Variants in PIK3CB observed in about 807,000 individuals in gnomAD.
The protein encoded by PIK3CB is phosphatidylinositol 4,5-bisphosphate 3-kinase catalytic subunit beta isoform.
A neutral mutation model predicts 136.8 loss-of-function variants in PIK3CB; 39 were observed. That is an observed-to-expected ratio of 0.29 (90% confidence interval 0.22 to 0.37). PIK3CB has a LOEUF of 0.37. Ranked by LOEUF, PIK3CB falls within the 10% of genes least tolerant of loss-of-function variation. The probability of loss-of-function intolerance (pLI) is 1.00; values close to 1 mark genes in which losing one functional copy is unlikely to be tolerated. For synonymous variants in PIK3CB, 428 were observed against 436.6 expected, an observed-to-expected ratio of 0.98 and a Z score of 0.25; for missense variants, 868 against 1,275.4, an observed-to-expected ratio of 0.68 and a Z score of 4.87.
chr3:138,676,752 C>T (rs532811797), intron 19 of PIK3CB, among the ~76,000 whole-genome samples: 1 of 152,194 alleles, frequency 6.6e-6, no homozygotes, highest in South Asian at 2.1e-4. Context: ...TGACAAAGGC[C>T]CCATATTGTG....
intron 14 of PIK3CB, among the ~76,000 whole-genome samples, chr3:138,693,704 G>T (rs948955769): frequency 2.8e-4 from 43 of 151,782 alleles, no homozygotes; most frequent in African/African-American, 1.0e-3. Flanking sequence ...CCAGCCATCT[G>T]GCCAAATTTT....
chr3:138,703,575 T>C (rs940523582), intron 12 of PIK3CB, among the ~76,000 whole-genome samples: 4 of 142,836 alleles, frequency 2.8e-5, no homozygotes, highest in Admixed American at 1.3e-4. Context: ...TAGATATAGA[T>C]ATAGATATGT....
chr3:138,758,389 ATAT>A (rs1269802355), intron 3 of PIK3CB, among the ~76,000 whole-genome samples: 2 of 152,220 alleles, frequency 1.3e-5, no homozygotes, highest in Non-Finnish European at 2.9e-5. Context: ...CAGGTTATGT[ATAT>A]TTCACAATTA....
chr3:138,726,167 GTTCTCAAAGTATGTA>G (rs2044831933), intron 8 of PIK3CB, among the ~76,000 whole-genome samples: 1 of 152,180 alleles, frequency 6.6e-6, no homozygotes, highest in South Asian at 2.1e-4. Flanking sequence ...CCACTGTTCA[GTTCTCAAAGTATGTA>G]GACTGTTAAG....
At chr3:138,773,934 C>T (rs1322603467) in intron 2 of PIK3CB, among the ~76,000 whole-genome samples, 1 of 152,068 alleles carries the variant, frequency 6.6e-6, no homozygotes, top group Non-Finnish European at 1.5e-5. Flanking sequence ...ACAATAACCA[C>T]GTTTTAAGGT....
intron 2 of PIK3CB, among the ~76,000 whole-genome samples, chr3:138,784,857 T>G (rs544755605): frequency 6.6e-6 from 1 of 152,022 alleles, no homozygotes; most frequent in African/African-American, 2.4e-5. Context: ...CCACCCCGTC[T>G]GGGAAGTGAG....
At chr3:138,663,674 A>G (rs1393789584) in intron 21 of PIK3CB, among the ~76,000 whole-genome samples, 1 of 152,142 alleles carries the variant, frequency 6.6e-6, no homozygotes, top group African/African-American at 2.4e-5. Context: ...GAGCCACCAC[A>G]CACAGCCTTT....
chr3:138,668,094 T>C (rs543670698), intron 19 of PIK3CB, among the ~76,000 whole-genome samples: 1 of 151,964 alleles, frequency 6.6e-6, no homozygotes, highest in African/African-American at 2.4e-5. Context: ...TAAAAGCACT[T>C]TTCTAGTTCT....
chr3:138,675,077 C>T (rs1302745730), intron 19 of PIK3CB, among the ~76,000 whole-genome samples: 1 of 152,004 alleles, frequency 6.6e-6, no homozygotes, highest in Non-Finnish European at 1.5e-5. Context: ...CAAAACAAAA[C>T]AACTGTGAGA....
intron 8 of PIK3CB, among the ~76,000 whole-genome samples, chr3:138,717,517 T>C (rs552408921): frequency 4.3e-5 from 6 of 138,086 alleles, no homozygotes; most frequent in East Asian, 2.9e-4. Flanking sequence ...TGAATGAAAA[T>C]AGAAATTTTT....
Position 138,700,071 on chromosome 3 carries a change from A to C in PIK3CB, c.1582-976T>G, listed in dbSNP as rs114836280. Among the ~76,000 whole-genome samples, 1,350 of 152,254 alleles carry C rather than the reference A, an allele frequency of 8.9e-3. 27 individuals carry two copies. The highest frequency in any genetic ancestry group is 0.029 in the African/African-American group (1,223 of 41,566). On this transcript the variant is annotated intron_variant, in intron 12 of 23. Transcript: ENST00000674063. ...AAATAGAAATTAAAAAAAAATTTTT[A>C]AATAGCTAGGTATAGTGGCATGTGC...
intron 2 of PIK3CB, among the ~76,000 whole-genome samples, chr3:138,791,038 A>C (rs1426811870): frequency 1.3e-5 from 2 of 152,120 alleles, no homozygotes; most frequent in African/African-American, 2.4e-5. Flanking sequence ...CTGTGCCTCC[A>C]ACTCACCTTT....
intron 1 of PIK3CB, among the ~76,000 whole-genome samples, chr3:138,808,702 AG>A (rs2046260398): frequency 6.6e-6 from 1 of 151,026 alleles, no homozygotes; most frequent in Non-Finnish European, 1.5e-5. Flanking sequence ...AAAAATTAGG[AG>A]AAAATCTAGG....
chr3:138,774,873 G>A (rs975153180), intron 2 of PIK3CB, among the ~76,000 whole-genome samples: 1 of 152,180 alleles, frequency 6.6e-6, no homozygotes, highest in Non-Finnish European at 1.5e-5. Context: ...GTCATAATAT[G>A]TAAAAATTAA....
chr3:138,770,977 T>C (rs1384082241), intron 2 of PIK3CB, among the ~76,000 whole-genome samples: 1 of 152,094 alleles, frequency 6.6e-6, no homozygotes, highest in African/African-American at 2.4e-5. Flanking sequence ...CCCAAAGTTC[T>C]GGGATTACAG....
chr3:138,788,792 G>A (rs543570235), intron 2 of PIK3CB, among the ~76,000 whole-genome samples: 11 of 150,536 alleles, frequency 7.3e-5, no homozygotes, highest in Admixed American at 3.3e-4. Flanking sequence ...GTGAAACCCC[G>A]TATCTACTTA....
At chr3:138,725,787 T>C (rs931623637) in intron 8 of PIK3CB, among the ~76,000 whole-genome samples, 8 of 152,246 alleles carry the variant, frequency 5.3e-5, no homozygotes, top group African/African-American at 1.7e-4. Context: ...ATAACTGCTT[T>C]AATGTCTTTG....
chr3:138,756,959 A>C (rs932952933), intron 3 of PIK3CB, among the ~76,000 whole-genome samples: 2 of 152,214 alleles, frequency 1.3e-5, no homozygotes, highest in African/African-American at 4.8e-5. Flanking sequence ...AATATCCAGA[A>C]TATATAAAGA....
intron 1 of PIK3CB, among the ~76,000 whole-genome samples, chr3:138,808,937 C>T (rs1302378076): frequency 2.0e-5 from 3 of 151,762 alleles, no homozygotes; most frequent in African/African-American, 7.3e-5. Flanking sequence ...TTTTATACAA[C>T]ACCAAAAAGC....
Sources: allele counts gnomAD v4.1 joint callset (sites outside exome capture counted in the v4.1 genomes callset), GRCh38; gene constraint gnomAD v4.1.1; transcripts MANE v1.5; gene names NCBI Gene and HGNC (gene_info 2026-07-23, HGNC 2026-07-21).